The following NOL11 variants were observed in gnomAD, a reference collection of about 807,000 sequenced individuals.
NOL11 encodes the protein nucleolar protein 11.
NOL11 carries 42 observed loss-of-function variants against 93.0 expected under a neutral mutation model. That is an observed-to-expected ratio of 0.45 (90% CI 0.35 to 0.58). The LOEUF (loss-of-function observed/expected upper bound fraction) is 0.58. NOL11 is among the 20% of genes least tolerant of loss of function. The pLI is 0.00. For synonymous variants in NOL11, 296 were observed against 293.7 expected (o/e 1.01, Z -0.08); for missense variants, 775 against 841.8 (o/e 0.92, Z 0.98).
At chr17:67,738,071 C>G in intron 13 of NOL11, 51 bp from the exon 14 acceptor site, 1 of 1,547,932 alleles carries the variant, frequency 6.5e-7, no homozygotes. Context: ...GAAATTTTTC[C>G]CAAAAGCTTG....
chr17:67,723,744 TAA>T (rs34643635), intron 5 of NOL11, among the ~76,000 whole-genome samples: 9 of 144,462 alleles, frequency 6.2e-5, no homozygotes, highest in African/African-American at 1.5e-4. Flanking sequence ...TCATCTCTAT[TAA>T]AAAAAAAAAA....
At chr17:67,725,496 T>C (rs1013941732) in intron 6 of NOL11, among the ~76,000 whole-genome samples, 3 of 152,172 alleles carry the variant, frequency 2.0e-5, no homozygotes, top group African/African-American at 7.2e-5. Context: ...ACAAGAGCAA[T>C]ACATAGGAAA....
rs1316904344 is a variant in NOL11, at chr17:67,738,355, T to C, written c.1763T>C (p.Leu588Pro). The change falls in exon 14 of 18, where the codon CTT (leucine) becomes CCT (proline). Residue 588 changes from leucine (L) to proline (P), a missense_variant and splice_region_variant. Physicochemically the swap from Leu to Pro is moderately conservative, Grantham distance 98. Around this residue, in one of 2 missense-constraint regions of NOL11, gnomAD observed 416 missense variants for 525.2 expected, o/e 0.79. Transcript: ENST00000253247. ...GTGGTACAAAAAAGAGCAGCTCTAC[T>C]GTATCCTTTGACATAGAGCATCCCT... ...CPVVQKRAAL[L>P]NAILHSAYSE... 17 of 1,592,730 alleles carry C rather than the reference T, an allele frequency of 1.1e-5. No homozygotes were observed. The highest frequency in any genetic ancestry group is 1.5e-5 in the Non-Finnish European group (17 of 1,163,484).
intron 5 of NOL11, among the ~76,000 whole-genome samples, chr17:67,722,983 G>A (rs930272158): frequency 6.7e-6 from 1 of 149,708 alleles, no homozygotes. Flanking sequence ...GAGCCACTGT[G>A]CCCAGCTGTG....
At chr17:67,724,842 A>G (rs965510780) in intron 6 of NOL11, among the ~76,000 whole-genome samples, 3 of 152,102 alleles carry the variant, frequency 2.0e-5, no homozygotes, top group African/African-American at 7.2e-5. Flanking sequence ...GCAGATCACA[A>G]GGTCAGGAGA....
chr17:67,726,750 T>C, intron 7 of NOL11, 102 bp downstream of exon 7: 1 of 848,094 alleles, frequency 1.2e-6, no homozygotes, highest in Non-Finnish European at 1.7e-6. Context: ...CCCAGACTAA[T>C]TCATTCTCTT....
At chr17:67,718,172 T>C in intron 1 of NOL11, 84 bp downstream of exon 1, 1 of 1,551,630 alleles carries the variant, frequency 6.4e-7, no homozygotes, top group Non-Finnish European at 8.8e-7. Context: ...TTCTCACAGC[T>C]TCAGAAAGAG....
Position 67,724,175 on chromosome 17 carries a change from ATC to A in NOL11, c.650_651del (p.Ser217PhefsTer7). On this transcript the variant is annotated frameshift_variant, in exon 6 of 18. Transcript: ENST00000253247. LOFTEE classifies it high-confidence loss of function. Reference sequence around the variant, plus strand: ...TACTGCATCTGTAGATCGGAAATTCATCTCTTTGATGTCATTAAGTAAGTTTT... The same window carrying A: ...TACTGCATCTGTAGATCGGAAATTCATCTTTGATGTCATTAAGTAAGTTTT... The part of the protein sequence containing the change: ...SFTASVDRKF[I>X]SLMSLSSDGC... The A allele has an allele frequency of 6.4e-7, 1 of 1,570,690 alleles. No homozygotes were observed. The highest frequency in any genetic ancestry group is 8.6e-7 in the Non-Finnish European group (1 of 1,159,458).
intron 4 of NOL11, among the ~76,000 whole-genome samples, chr17:67,721,795 C>T (rs1485332880): frequency 6.6e-6 from 1 of 152,064 alleles, no homozygotes; most frequent in Non-Finnish European, 1.5e-5. Context: ...TCTTTTTGTT[C>T]CTCTCATATT....
At chr17:67,724,334 T>A (rs1482401745) in intron 6 of NOL11, 141 bp downstream of exon 6, 2 of 41,718 alleles carry the variant, frequency 4.8e-5, no homozygotes, top group Non-Finnish European at 7.2e-5. Flanking sequence ...TGCCTTCACT[T>A]TTTTTTTTTT....
intron 1 of NOL11, among the ~76,000 whole-genome samples, chr17:67,718,312 C>A (rs1302983957): frequency 6.6e-6 from 1 of 152,132 alleles, no homozygotes; most frequent in Admixed American, 6.5e-5. Flanking sequence ...TCTGAGTGCA[C>A]GTGGGTTAGA....
intron 7 of NOL11, among the ~76,000 whole-genome samples, chr17:67,727,921 A>G (rs1283434694): frequency 1.1e-4 from 1 of 9,238 alleles, no homozygotes; most frequent in African/African-American, 4.7e-4. Flanking sequence ...TTTGTCTCAA[A>G]AAAAAAAAAA....
At chr17:67,724,332 C>A (rs996126422) in intron 6 of NOL11, 139 bp downstream of exon 6, 1 of 250,276 alleles carries the variant, frequency 4.0e-6, no homozygotes, top group Non-Finnish European at 7.0e-6. Flanking sequence ...CATGCCTTCA[C>A]TTTTTTTTTT....
At chr17:67,723,378 T>G (rs1425170780) in intron 5 of NOL11, among the ~76,000 whole-genome samples, 1 of 9,826 alleles carries the variant, frequency 1.0e-4, no homozygotes, top group African/African-American at 3.0e-4. Flanking sequence ...TAATTTTTTT[T>G]TTTTTTTTTT....
intron 7 of NOL11, among the ~76,000 whole-genome samples, chr17:67,729,126 G>T (rs1452551538): frequency 6.7e-6 from 1 of 149,600 alleles, no homozygotes; most frequent in Non-Finnish European, 1.5e-5. Flanking sequence ...CAGAGTTTTA[G>T]TCTTGTTGCC....
At position 67,723,942 on chromosome 17, in the gene NOL11, G is replaced by A. The variant is rs2055061194; in HGVS notation, c.520-107G>A. On this transcript the variant is annotated intron_variant, in intron 5 of 17. Transcript: ENST00000253247. ...ATTTGATAGCATAAGATGTTTTTAA[G>A]TACTCATTGATGTAAGTAGAATGGG... 32 of 691,280 alleles carry A rather than the reference G, an allele frequency of 4.6e-5. No homozygotes were observed. In the South Asian group the frequency reaches 6.4e-4, roughly 14 times the overall value. The allele number at this position is 691,280 out of a possible 1,614,324, so 42.8% of individuals were successfully genotyped here. A position where few individuals can be genotyped will look rare whatever the true frequency, so the allele number is the denominator to read the frequency against.
intron 5 of NOL11, 66 bp downstream of exon 5, chr17:67,722,703 G>A (rs1290468818): frequency 6.6e-7 from 1 of 1,506,544 alleles, no homozygotes; most frequent in East Asian, 2.5e-5. Flanking sequence ...AATTTATTTA[G>A]AGACAGGGTG....
intron 5 of NOL11, among the ~76,000 whole-genome samples, chr17:67,723,370 ATTTTTTTTTTTTTTTTTTTTT>A (rs568396700): frequency 3.3e-5 from 2 of 60,704 alleles, no homozygotes; most frequent in South Asian, 8.3e-4. Context: ...AAGATCTCTA[ATTTTTTTTTTTTTTTTTTTTT>A]TTTTTTTTTT....
chr17:67,722,074 C>T (rs568965568), intron 4 of NOL11, among the ~76,000 whole-genome samples: 26 of 152,198 alleles, frequency 1.7e-4, no homozygotes, highest in Non-Finnish European at 3.4e-4. Flanking sequence ...GTACTTACAA[C>T]GTGGCCAATA....
Sources: gnomAD v4.1 joint callset for allele counts (sites outside exome capture counted in the v4.1 genomes callset) on GRCh38, gnomAD v4.1.1 for gene constraint, gnomAD v4.1.1 regional missense constraint, MANE v1.5 for transcripts, NCBI Gene and HGNC (gene_info 2026-07-23, HGNC 2026-07-21) for gene names.